Variants in LOC128125817 observed in about 807,000 individuals in gnomAD.
At chr1:41,614,190 A>G in the LOC128125817 span, among the ~76,000 whole-genome samples, 2 of 152,222 alleles carry the variant, frequency 1.3e-5, no homozygotes, top group South Asian at 4.1e-4. Flanking sequence ...ATGGTCAGAA[A>G]CAGATAGCAC....
chr1:41,591,205 G>T, the LOC128125817 span, among the ~76,000 whole-genome samples: 1 of 152,172 alleles, frequency 6.6e-6, no homozygotes, highest in Non-Finnish European at 1.5e-5. Context: ...ACTGACTGGG[G>T]TTACCATGTA....
At chr1:41,628,519 T>C in the LOC128125817 span, among the ~76,000 whole-genome samples, 10 of 152,164 alleles carry the variant, frequency 6.6e-5, no homozygotes, top group Admixed American at 3.9e-4. Context: ...CTGCATTTCA[T>C]GGGAGACAGC....
At chr1:41,599,347 G>A in the LOC128125817 span, among the ~76,000 whole-genome samples, 1 of 152,186 alleles carries the variant, frequency 6.6e-6, no homozygotes, top group Non-Finnish European at 1.5e-5. Flanking sequence ...GGAACTTGGG[G>A]TAGGCAAAGA....
chr1:41,619,188 C>T, the LOC128125817 span, among the ~76,000 whole-genome samples: 5 of 152,190 alleles, frequency 3.3e-5, no homozygotes, highest in Non-Finnish European at 5.9e-5. Flanking sequence ...TCCCAGCAGG[C>T]TGATCTTGCC....
At chr1:41,590,607 T>C in the LOC128125817 span, among the ~76,000 whole-genome samples, 5 of 152,154 alleles carry the variant, frequency 3.3e-5, no homozygotes, top group Non-Finnish European at 7.4e-5. Context: ...GAGACATACA[T>C]CTTTGAGCTT....
At chr1:41,586,216 GCCT>G in the LOC128125817 span, among the ~76,000 whole-genome samples, 1 of 152,176 alleles carries the variant, frequency 6.6e-6, no homozygotes, top group East Asian at 1.9e-4. Context: ...CCAAGTGTGT[GCCT>G]CCTCCTAGGG....
the LOC128125817 span, among the ~76,000 whole-genome samples, chr1:41,605,648 G>A: frequency 6.6e-6 from 1 of 152,080 alleles, no homozygotes; most frequent in Non-Finnish European, 1.5e-5. Context: ...GGGGAGGGAC[G>A]GCTCACCAGC....
At chr1:41,606,206 TG>T in the LOC128125817 span, among the ~76,000 whole-genome samples, 1 of 151,962 alleles carries the variant, frequency 6.6e-6, no homozygotes, top group South Asian at 2.1e-4. Flanking sequence ...TACCAATTTT[TG>T]GTGGTTCTGG....
chr1:41,628,697 A>C, the LOC128125817 span: 1 of 1,188,122 alleles, frequency 8.4e-7, no homozygotes, highest in Non-Finnish European at 1.1e-6. Context: ...CATGCAAGAC[A>C]GACCAACATG....
At chr1:41,608,800 G>A in the LOC128125817 span, among the ~76,000 whole-genome samples, 12 of 152,010 alleles carry the variant, frequency 7.9e-5, no homozygotes, top group Non-Finnish European at 1.3e-4. Flanking sequence ...AGCTGGGCAC[G>A]GTGGCTCACA....
chr1:41,587,243 A>G, the LOC128125817 span, among the ~76,000 whole-genome samples: 1 of 152,184 alleles, frequency 6.6e-6, no homozygotes, highest in South Asian at 2.1e-4. Context: ...CCCTCTAGTC[A>G]TTGGATATGG....
chr1:41,589,395 A>G, the LOC128125817 span, among the ~76,000 whole-genome samples: 1 of 152,368 alleles, frequency 6.6e-6, no homozygotes, highest in Non-Finnish European at 1.5e-5. Flanking sequence ...GAGCAGCCCA[A>G]TAGGAAGGAG....
At chr1:41,616,655 G>A in the LOC128125817 span, among the ~76,000 whole-genome samples, 1 of 119,742 alleles carries the variant, frequency 8.4e-6, no homozygotes, top group Non-Finnish European at 1.6e-5. Context: ...GTCTCACTAT[G>A]TTGCCCAGGC....
the LOC128125817 span, among the ~76,000 whole-genome samples, chr1:41,610,471 C>T: frequency 2.0e-5 from 3 of 152,196 alleles, no homozygotes; most frequent in African/African-American, 7.2e-5. Context: ...GGCTGATGGC[C>T]TAGGGGAATC....
At chr1:41,602,099 G>A in the LOC128125817 span, among the ~76,000 whole-genome samples, 2 of 152,056 alleles carry the variant, frequency 1.3e-5, no homozygotes, top group Non-Finnish European at 2.9e-5. Flanking sequence ...AATCCCACTT[G>A]GTCATGGTGT....
chr1:41,594,961 G>A, the LOC128125817 span, among the ~76,000 whole-genome samples: 1 of 152,226 alleles, frequency 6.6e-6, no homozygotes, highest in African/African-American at 2.4e-5. Flanking sequence ...TAGCTAGCCA[G>A]TTGTCCCAAC....
chr1:41,617,000 T>C, the LOC128125817 span, among the ~76,000 whole-genome samples: 5 of 152,168 alleles, frequency 3.3e-5, no homozygotes, highest in African/African-American at 1.2e-4. Context: ...GCAACACAGT[T>C]TGTAAGTGGT....
At chr1:41,594,106 C>A in the LOC128125817 span, among the ~76,000 whole-genome samples, 1 of 152,240 alleles carries the variant, frequency 6.6e-6, no homozygotes, top group East Asian at 1.9e-4. Context: ...ATCACATCTA[C>A]AAATTATCTT....
the LOC128125817 span, among the ~76,000 whole-genome samples, chr1:41,601,881 T>C: frequency 1.3e-5 from 2 of 152,316 alleles, no homozygotes; most frequent in East Asian, 1.9e-4. Flanking sequence ...TGTAAGCTTG[T>C]TATATATGGC....
Sources: gnomAD v4.1 joint callset for allele counts (sites outside exome capture counted in the v4.1 genomes callset) on GRCh38, gnomAD v4.1.1 for gene constraint, MANE v1.5 for transcripts.